UGT1A10: variants seen among roughly 807,000 people sequenced by gnomAD.
UGT1A10 encodes the protein UDP glucuronosyltransferase family 1 member A10.
UGT1A10 carries 49 observed loss-of-function variants against 45.8 expected under a neutral mutation model. That is an observed-to-expected ratio of 1.07 (90% confidence interval 0.85 to 1.36). The LOEUF (loss-of-function observed/expected upper bound fraction) is 1.36. UGT1A10 is among the 40% of genes most tolerant of loss of function. The pLI is 0.00. For missense variants in UGT1A10, 745 were observed against 668.6 expected, an observed-to-expected ratio of 1.11 and a Z score of -1.26; for synonymous variants, 284 against 249.7, an observed-to-expected ratio of 1.14 and a Z score of -1.29.
At chr2:233,747,468 C>A in intron 1 of UGT1A10, 1 of 1,608,682 alleles carries the variant, frequency 6.2e-7, no homozygotes, top group Non-Finnish European at 8.5e-7. Flanking sequence ...TTCATGGACC[C>A]AGGATGAATT....
chr2:233,639,023 T>TG (rs1472355624), intron 1 of UGT1A10, among the ~76,000 whole-genome samples: 3 of 152,128 alleles, frequency 2.0e-5, no homozygotes, highest in East Asian at 3.9e-4. Context: ...TTCGGCCGAG[T>TG]TGAGGATCTG....
Position 233,640,861 on chromosome 2 carries a change from G to A in UGT1A10, c.855+3484G>A, listed in dbSNP as rs1275107720. 3.3e-5 allele frequency among the ~76,000 whole-genome samples: 5 copies of A among 152,124 alleles called. No individual in the cohort carries two copies. The East Asian group carries it at 9.6e-4, about 29-fold the overall frequency. On this transcript the variant is annotated intron_variant, in intron 1 of 4. Coordinates refer to ENST00000344644, the MANE Select transcript of UGT1A10 (RefSeq NM_019075.4). ...ATTGTTGCTATGTCAGGGGGGAAAT[G>A]TGGAGCCCTAATTAGGGAAAAAGAG...
chr2:233,769,456 T>C lies in UGT1A10; in HGVS notation c.1295+1017T>C, dbSNP rs1699869173. On this transcript the variant is annotated intron_variant, in intron 4 of 4. Coordinates refer to ENST00000344644, the MANE Select transcript of UGT1A10 (RefSeq NM_019075.4). This position sits in a 1 kb window ranked among gnomAD's most constrained non-coding sequence, Gnocchi z 4.4. ...TCATGTGTGGGTGCACACGTGTGCA[T>C]TCATATGCGTGTGTGTGTGTGTGCG... 2 of 1,598,818 alleles carry C rather than the reference T, an allele frequency of 1.3e-6. No homozygotes were observed. The highest frequency in any genetic ancestry group is 2.2e-5 in the East Asian group (1 of 44,796).
At chr2:233,654,193 A>G (rs1019176703) in intron 1 of UGT1A10, among the ~76,000 whole-genome samples, 2 of 152,228 alleles carry the variant, frequency 1.3e-5, no homozygotes, top group African/African-American at 2.4e-5. Flanking sequence ...AGAAAAAGTA[A>G]AAGAAAAAAA....
In UGT1A10 at chr2:233,737,609, G is replaced by A. The variant is rs563155161; in HGVS notation, c.856-29425G>A. Among the ~76,000 whole-genome samples, 4 of 152,288 alleles carry A rather than the reference G, an allele frequency of 2.6e-5. No individual in the cohort carries two copies. In the East Asian group the frequency reaches 7.7e-4, roughly 29 times the overall value. On this transcript the variant is annotated intron_variant, in intron 1 of 4. Transcript: ENST00000344644. Reference sequence around the variant, plus strand: ...ATGAGATGAACCAGGTACCTCAGTTGGAAATGCAGAAATCATCCATCTTCT... The same window carrying A: ...ATGAGATGAACCAGGTACCTCAGTTAGAAATGCAGAAATCATCCATCTTCT...
intron 1 of UGT1A10, among the ~76,000 whole-genome samples, chr2:233,751,630 A>C (rs1694768299): frequency 6.6e-6 from 1 of 152,142 alleles, no homozygotes; most frequent in Non-Finnish European, 1.5e-5. Context: ...TCATGTGTGC[A>C]GTTTCCCCCT....
intron 1 of UGT1A10, among the ~76,000 whole-genome samples, chr2:233,706,280 G>A (rs2075901019): frequency 6.6e-6 from 1 of 152,024 alleles, no homozygotes; most frequent in Non-Finnish European, 1.5e-5. Context: ...CCTCAGGGGT[G>A]GGGCCCAGTG....
At chr2:233,725,046 G>C in intron 1 of UGT1A10, among the ~76,000 whole-genome samples, 1 of 147,958 alleles carries the variant, frequency 6.8e-6, no homozygotes, top group Non-Finnish European at 1.5e-5. Flanking sequence ...AACCAGTCAG[G>C]CGTGGCGGCG....
At chr2:233,745,790 T>G (rs1693218354) in intron 1 of UGT1A10, among the ~76,000 whole-genome samples, 2 of 150,238 alleles carry the variant, frequency 1.3e-5, no homozygotes, top group African/African-American at 2.5e-5. Flanking sequence ...ACAGGGGGGC[T>G]GGGGTCTATC....
intron 1 of UGT1A10, among the ~76,000 whole-genome samples, chr2:233,654,548 T>C (rs1367915066): frequency 6.6e-6 from 1 of 152,246 alleles, no homozygotes; most frequent in African/African-American, 2.4e-5. Context: ...TATATATTCA[T>C]AATTGTTTGT....
chr2:233,650,038 T>C (rs1019769923), intron 1 of UGT1A10, among the ~76,000 whole-genome samples: 2 of 152,228 alleles, frequency 1.3e-5, no homozygotes, highest in African/African-American at 4.8e-5. Context: ...TGGTGCGATC[T>C]TGGCTCACCA....
At chr2:233,667,942 A>C (rs1243798500) in intron 1 of UGT1A10, among the ~76,000 whole-genome samples, 1 of 152,210 alleles carries the variant, frequency 6.6e-6, no homozygotes, top group Non-Finnish European at 1.5e-5. Context: ...TGGGACTGTA[A>C]ACTTTTTATT....
intron 1 of UGT1A10, among the ~76,000 whole-genome samples, chr2:233,699,292 C>T (rs2075496575): frequency 6.6e-6 from 1 of 152,182 alleles, no homozygotes; most frequent in African/African-American, 2.4e-5. Context: ...GATGCTGGGA[C>T]ACTCTTATGC....
intron 1 of UGT1A10, chr2:233,682,542 C>G (rs758283068): frequency 3.1e-6 from 5 of 1,613,928 alleles, no homozygotes; most frequent in Admixed American, 3.3e-5. Context: ...GACGCCATGA[C>G]TTTCAAGGAG....
intron 1 of UGT1A10, among the ~76,000 whole-genome samples, chr2:233,678,935 T>A (rs187063932): frequency 3.9e-5 from 6 of 152,316 alleles, no homozygotes; most frequent in Admixed American, 3.9e-4. Flanking sequence ...CTGGTCACAG[T>A]TTTCTCCAGA....
rs527503361 is a variant in UGT1A10 at position 233,743,746 on chromosome 2, C to G, written c.856-23288C>G. 8 of 1,367,246 alleles carry G rather than the reference C, an allele frequency of 5.9e-6. No individual in the cohort carries two copies. The South Asian group carries it at 6.8e-5, about 12-fold the overall frequency. The allele number at this position is 1,367,246 out of a possible 1,614,324, so 84.7% of individuals were successfully genotyped here. On this transcript the variant is annotated intron_variant, in intron 1 of 4. Transcript: ENST00000344644. ...CATAGATATCGCGTTTCTTGGCGTC[C>G]GACAACACCTCGTAGGCCTCGGCCA...
At chr2:233,718,746 TA>T in intron 1 of UGT1A10, 8 of 1,612,108 alleles carry the variant, frequency 5.0e-6, no homozygotes, top group Non-Finnish European at 5.9e-6. Flanking sequence ...AATGACAAGG[TA>T]ATTAAGGCGA....
At chr2:233,754,258 T>C in intron 1 of UGT1A10, 1 of 170,430 alleles carries the variant, frequency 5.9e-6, no homozygotes, top group Middle Eastern at 2.9e-3. Context: ...CGGAAAAAGG[T>C]AAGGCTCAAA....
chr2:233,690,723 C>T (rs1575444181), intron 1 of UGT1A10: 1 of 1,214,546 alleles, frequency 8.2e-7, no homozygotes, highest in South Asian at 1.5e-5. Context: ...GACGAACAGA[C>T]ATGCCAGATT....
Sources: gnomAD v4.1 joint callset for allele counts (sites outside exome capture counted in the v4.1 genomes callset) on GRCh38, gnomAD v4.1.1 for gene constraint, Gnocchi (gnomAD v3.1) non-coding constraint, MANE v1.5 for transcripts, NCBI Gene and HGNC (gene_info 2026-07-23, HGNC 2026-07-21) for gene names.